CLDN16: variants seen among roughly 807,000 people sequenced by gnomAD.
CLDN16 encodes claudin-16.
CLDN16 carries 13 observed loss-of-function variants against 24.6 expected under a neutral mutation model. The ratio of observed to expected loss-of-function variants is 0.53; its 90% confidence interval spans 0.34 to 0.84. The LOEUF (loss-of-function observed/expected upper bound fraction) is 0.84. Among genes scored for constraint, CLDN16 ranks in the 40% least tolerant of loss-of-function variants. The pLI is 0.01. For synonymous variants in CLDN16, 116 were observed against 106.7 expected (o/e 1.09, Z -0.54); for missense variants, 298 against 292.7 (o/e 1.02, Z -0.13).
intron 1 of CLDN16, among the ~76,000 whole-genome samples, chr3:190,343,716 T>A (rs1717487973): frequency 3.9e-5 from 6 of 151,982 alleles, no homozygotes; most frequent in Admixed American, 3.9e-4. Flanking sequence ...AAGAAAAATA[T>A]CACATGACTT....
intron 3 of CLDN16, among the ~76,000 whole-genome samples, chr3:190,378,885 C>T (rs1164305975): frequency 6.6e-6 from 1 of 151,310 alleles, no homozygotes; most frequent in Non-Finnish European, 1.5e-5. Context: ...TCCTCATTTT[C>T]GTCATCTATA....
intron 1 of CLDN16, among the ~76,000 whole-genome samples, chr3:190,391,770 G>A (rs1718681679): frequency 6.6e-6 from 1 of 152,126 alleles, no homozygotes; most frequent in Non-Finnish European, 1.5e-5. Context: ...CTTCGTATTA[G>A]GTAAAAATGC....
intron 1 of CLDN16, among the ~76,000 whole-genome samples, chr3:190,397,063 C>T (rs2108664562): frequency 6.6e-6 from 1 of 152,246 alleles, no homozygotes; most frequent in East Asian, 1.9e-4. Context: ...CTGGTGAGTT[C>T]AGGTACCCAG....
chr3:190,362,068 C>T (rs1717901482), intron 1 of CLDN16, among the ~76,000 whole-genome samples: 2 of 147,108 alleles, frequency 1.4e-5, no homozygotes, highest in Non-Finnish European at 3.0e-5. Context: ...CAGACAGCAC[C>T]TCCTCACCAG....
In CLDN16 at chr3:190,354,063, A is replaced by G. The variant is rs115872977; in HGVS notation, n.122-16830A>G. ...TGCCAGCATTCCTTGGCTTTTGACTACATCACTCCAATCTCTGTCGGTTAT... is the reference window on the plus strand; with the variant it reads ...TGCCAGCATTCCTTGGCTTTTGACTGCATCACTCCAATCTCTGTCGGTTAT... On this transcript the variant is annotated intron_variant and non_coding_transcript_variant, in intron 1 of 4. Transcript: ENST00000468220. Among the ~76,000 whole-genome samples, 778 of 152,112 alleles carry G rather than the reference A, an allele frequency of 5.1e-3. 7 individuals are homozygous for G. The highest frequency in any genetic ancestry group is 0.018 in the African/African-American group (753 of 41,518).
chr3:190,338,530 G>C (rs559735448), intron 1 of CLDN16, among the ~76,000 whole-genome samples: 1 of 152,314 alleles, frequency 6.6e-6, no homozygotes, highest in East Asian at 1.9e-4. Flanking sequence ...TGCCTGGCAA[G>C]TGCGTGGTAA....
chr3:190,385,878 A>G (rs972912161), upstream of CLDN16, among the ~76,000 whole-genome samples: 5 of 152,190 alleles, frequency 3.3e-5, no homozygotes, highest in Non-Finnish European at 7.3e-5. Context: ...TCAGAATTTT[A>G]TACAAAACAC....
the CLDN16 span, among the ~76,000 whole-genome samples, chr3:190,313,577 T>C: frequency 2.6e-5 from 4 of 152,176 alleles, no homozygotes; most frequent in African/African-American, 9.7e-5. Flanking sequence ...ATAAGCAGTA[T>C]TTGTATCTCC....
chr3:190,330,223 C>G (rs1414586936), intron 1 of CLDN16, among the ~76,000 whole-genome samples: 23 of 152,160 alleles, frequency 1.5e-4, no homozygotes. Context: ...CTTGAACGAC[C>G]TTTTGTTTAC....
At chr3:190,366,221 G>C (rs1353673814) in intron 1 of CLDN16, among the ~76,000 whole-genome samples, 10 of 151,684 alleles carry the variant, frequency 6.6e-5, no homozygotes, top group Non-Finnish European at 1.3e-4. Flanking sequence ...TAGCTTTTAG[G>C]CTTTCATTTT....
chr3:190,319,264 C>G (rs919683099), upstream of CLDN16, among the ~76,000 whole-genome samples: 3 of 152,176 alleles, frequency 2.0e-5, no homozygotes, highest in African/African-American at 7.2e-5. Context: ...ACAACTGTAT[C>G]TGGCACTTTT....
chr3:190,373,611 A>T (rs1560090116), intron 2 of CLDN16, among the ~76,000 whole-genome samples: 1 of 151,942 alleles, frequency 6.6e-6, no homozygotes, highest in Non-Finnish European at 1.5e-5. Flanking sequence ...ACTAATTTAT[A>T]TTGCCTTAAA....
Position 190,402,520 on chromosome 3 carries a change from G to T in CLDN16, c.217+81G>T. On this transcript the variant is annotated intron_variant, in intron 2 of 4. Coordinates refer to ENST00000264734, the MANE Select transcript of CLDN16 (RefSeq NM_006580.4). ...AGTTCAGGTTTCCATTTTGTGCTTT[G>T]TTTTCTATTGTACTATATTAAGGTT... The T allele has an allele frequency of 4.7e-6, 5 of 1,055,622 alleles. No homozygotes were observed. The South Asian group carries it at 6.3e-5, about 13-fold the overall frequency. The allele number at this position is 1,055,622 out of a possible 1,614,324, so 65.4% of individuals were successfully genotyped here.
chr3:190,308,044 G>A, the CLDN16 span: 5 of 477,838 alleles, frequency 1.0e-5, no homozygotes, highest in Non-Finnish European at 1.9e-5. Flanking sequence ...ATGGGAAGCA[G>A]TAATACAAAT....
intron 1 of CLDN16, among the ~76,000 whole-genome samples, chr3:190,396,210 T>G (rs1017534484): frequency 2.0e-5 from 3 of 152,132 alleles, no homozygotes; most frequent in Admixed American, 2.0e-4. Context: ...AGTCATCATC[T>G]CTATGGTTTC....
At chr3:190,363,556 G>GTGTGTGTATA in intron 1 of CLDN16, among the ~76,000 whole-genome samples, 1 of 87,402 alleles carries the variant, frequency 1.1e-5, no homozygotes, top group African/African-American at 4.7e-5. Context: ...GTGTGTGTGT[G>GTGTGTGTATA]TATATATATA....
At chr3:190,332,282 A>C (rs1447655484) in intron 1 of CLDN16, among the ~76,000 whole-genome samples, 4 of 152,214 alleles carry the variant, frequency 2.6e-5, no homozygotes, top group African/African-American at 9.6e-5. Flanking sequence ...AATTATTCAC[A>C]TATTTCTGAA....
intron 3 of CLDN16, among the ~76,000 whole-genome samples, chr3:190,406,696 A>G (rs1361514834): frequency 1.3e-5 from 2 of 151,824 alleles, no homozygotes; most frequent in Non-Finnish European, 2.9e-5. Flanking sequence ...ATGCTATTGC[A>G]ATATATACTG....
chr3:190,332,203 A>C (rs780903877), intron 1 of CLDN16, among the ~76,000 whole-genome samples: 42 of 152,220 alleles, frequency 2.8e-4, no homozygotes, highest in Admixed American at 7.2e-4. Flanking sequence ...ACCTACCATC[A>C]TGAGTAAATA....
Sources: allele counts gnomAD v4.1 joint callset (sites outside exome capture counted in the v4.1 genomes callset), GRCh38; gene constraint gnomAD v4.1.1; transcripts MANE v1.5; gene names NCBI Gene and HGNC (gene_info 2026-07-23, HGNC 2026-07-21).